The following GLIS3 variants were observed in gnomAD, a reference collection of about 807,000 sequenced individuals.
GLIS3 encodes the protein zinc finger protein GLIS3.
In GLIS3, 53 loss-of-function variants were observed where a neutral mutation model predicts 78.6. The ratio of observed to expected loss-of-function variants is 0.67; its 90% confidence interval spans 0.54 to 0.85. The LOEUF is 0.85. Among genes scored for constraint, GLIS3 ranks in the 40% least tolerant of loss-of-function variants. The pLI is 0.00. For synonymous variants in GLIS3, 684 were observed against 509.9 expected (o/e 1.34, Z -4.60); for missense variants, 1,703 against 1,231.1 (o/e 1.38, Z -5.74).
intron 7 of GLIS3, among the ~76,000 whole-genome samples, chr9:3,893,851 C>G (rs1288178240): frequency 6.6e-6 from 1 of 152,146 alleles, no homozygotes; most frequent in South Asian, 2.1e-4. Flanking sequence ...CACAAGATTT[C>G]CAGGTGATTT....
At chr9:4,453,742 A>C in the GLIS3 span, among the ~76,000 whole-genome samples, 2 of 152,196 alleles carry the variant, frequency 1.3e-5, no homozygotes, top group Non-Finnish European at 2.9e-5. Context: ...GCAAAGTATC[A>C]CAAGGACAGG....
intron 4 of GLIS3, among the ~76,000 whole-genome samples, chr9:4,009,908 G>T (rs1001363935): frequency 3.9e-5 from 6 of 152,232 alleles, no homozygotes; most frequent in African/African-American, 1.4e-4. Context: ...CTCTCAAGTA[G>T]TAGGGGCTTT....
chr9:4,432,437 G>A, the GLIS3 span, among the ~76,000 whole-genome samples: 1 of 152,160 alleles, frequency 6.6e-6, no homozygotes, highest in South Asian at 2.1e-4. Context: ...GTTCAGTTTG[G>A]CCATAACACA....
chr9:3,879,791 G>T lies in GLIS3; in HGVS notation c.2129-196C>A, dbSNP rs4741863. Among the ~76,000 whole-genome samples the T allele has an allele frequency of 5.6e-3, 850 of 152,054 alleles. 8 individuals are homozygous for T. Among genetic ancestry groups the T allele is most frequent in the African/African-American group, 0.019 (797 of 41,436 alleles). On this transcript the variant is annotated intron_variant, in intron 7 of 10. Coordinates refer to ENST00000381971, the MANE Select transcript of GLIS3 (RefSeq NM_001042413.2). The stretch of plus-strand genomic sequence containing the variant: ...TGGAACAGGTTCCTCCGGAGCTCAC[G>T]TCTGGCTCGCTTCAGGCTGATGTTC...
rs140812698 is a variant in GLIS3 at position 4,125,469 on chromosome 9, G to T, written c.596+265C>A. ...TTACACACCGTGTTTCAGTCACTGAGGCCCCACAATCTCAAATTAGGTATT... is the reference window on the plus strand; with the variant it reads ...TTACACACCGTGTTTCAGTCACTGATGCCCCACAATCTCAAATTAGGTATT... On this transcript the variant is annotated intron_variant, in intron 3 of 10. Transcript: ENST00000381971. Among the ~76,000 whole-genome samples, 9 of 152,274 alleles carry T rather than the reference G, an allele frequency of 5.9e-5. No individual in the cohort carries two copies. The East Asian group carries it at 1.5e-3, about 26-fold the overall frequency.
At chr9:3,862,225 G>A (rs968843351) in intron 8 of GLIS3, among the ~76,000 whole-genome samples, 1 of 152,192 alleles carries the variant, frequency 6.6e-6, no homozygotes, top group Non-Finnish European at 1.5e-5. Flanking sequence ...AGCGGAGATG[G>A]AAAGCAATCA....
chr9:3,836,379 G>A (rs1818353794), intron 9 of GLIS3, among the ~76,000 whole-genome samples: 1 of 152,248 alleles, frequency 6.6e-6, no homozygotes, highest in African/African-American at 2.4e-5. Context: ...ACTTTAGGAA[G>A]TGTAGCGATT....
chr9:4,081,902 G>A (rs1828580455), intron 4 of GLIS3, among the ~76,000 whole-genome samples: 1 of 152,028 alleles, frequency 6.6e-6, no homozygotes, highest in Non-Finnish European at 1.5e-5. Context: ...TGAAAATGAA[G>A]GCAAAATACT....
chr9:4,126,027 C>G, intron 2 of GLIS3, 86 bp from the exon 3 acceptor site: 1 of 1,031,360 alleles, frequency 9.7e-7, no homozygotes, highest in South Asian at 1.3e-5. Flanking sequence ...ATATCAGGAC[C>G]CATCTTTAGA....
At chr9:4,164,384 T>C (rs1835723552) in intron 2 of GLIS3, among the ~76,000 whole-genome samples, 1 of 152,224 alleles carries the variant, frequency 6.6e-6, no homozygotes, top group Non-Finnish European at 1.5e-5. Context: ...TGCTAATTAA[T>C]TGGAATTTTC....
intron 4 of GLIS3, among the ~76,000 whole-genome samples, chr9:3,954,793 C>A (rs1475295518): frequency 6.6e-6 from 1 of 152,258 alleles, no homozygotes; most frequent in South Asian, 2.1e-4. Flanking sequence ...AGGATGCATT[C>A]TTTACTCATC....
chr9:3,856,293 G>C (rs1819786085), intron 8 of GLIS3, 109 bp from the exon 9 acceptor site: 3 of 970,916 alleles, frequency 3.1e-6, no homozygotes, highest in Non-Finnish European at 4.8e-6. Flanking sequence ...ACAAGAGCGT[G>C]ACAACAAGCC....
intron 4 of GLIS3, among the ~76,000 whole-genome samples, chr9:4,072,272 C>A (rs1209109560): frequency 1.3e-5 from 2 of 152,152 alleles, no homozygotes; most frequent in Non-Finnish European, 2.9e-5. Context: ...GGCTCACATA[C>A]AACTCAAACC....
chr9:4,479,475 A>T, the GLIS3 span, among the ~76,000 whole-genome samples: 1 of 152,056 alleles, frequency 6.6e-6, no homozygotes, highest in Non-Finnish European at 1.5e-5. Flanking sequence ...CAAGGCCTAC[A>T]CCTCACTTCA....
upstream of GLIS3, among the ~76,000 whole-genome samples, chr9:4,349,425 T>A (rs115162814): frequency 6.6e-6 from 1 of 152,344 alleles, no homozygotes; most frequent in East Asian, 1.9e-4. Flanking sequence ...TATCCTGGCA[T>A]GCACATTGCA....
the GLIS3 span, among the ~76,000 whole-genome samples, chr9:4,453,201 T>G: frequency 1.3e-5 from 2 of 151,840 alleles, no homozygotes; most frequent in Non-Finnish European, 2.9e-5. Context: ...CCTAAAACCA[T>G]AAAAACTCTA....
chr9:4,269,717 T>G (rs2130134922), intron 2 of GLIS3, among the ~76,000 whole-genome samples: 1 of 152,326 alleles, frequency 6.6e-6, no homozygotes, highest in East Asian at 1.9e-4. Context: ...TTATATTGAT[T>G]TTTTAAAATT....
At chr9:4,032,765 C>G (rs1823955296) in intron 4 of GLIS3, among the ~76,000 whole-genome samples, 1 of 152,182 alleles carries the variant, frequency 6.6e-6, no homozygotes, top group Non-Finnish European at 1.5e-5. Flanking sequence ...CTTCTGTCAC[C>G]AGGATGCCCC....
At chr9:4,467,960 G>A in the GLIS3 span, among the ~76,000 whole-genome samples, 1 of 152,166 alleles carries the variant, frequency 6.6e-6, no homozygotes, top group African/African-American at 2.4e-5. Flanking sequence ...TGATGGAGCT[G>A]AAATTCATGG....
Sources: allele counts gnomAD v4.1 joint callset (sites outside exome capture counted in the v4.1 genomes callset), GRCh38; gene constraint gnomAD v4.1.1; transcripts MANE v1.5; gene names NCBI Gene and HGNC (gene_info 2026-07-23, HGNC 2026-07-21).